OLFML2B: variants seen among roughly 807,000 people sequenced by gnomAD.
OLFML2B encodes olfactomedin-like protein 2B.
OLFML2B carries 57 observed loss-of-function variants against 74.9 expected under a neutral mutation model. The observed-to-expected ratio is 0.76, with a 90% CI of 0.61 to 0.95. The LOEUF is 0.95. Ranked by LOEUF, OLFML2B falls within the 40% of genes least tolerant of loss-of-function variation. The pLI, the probability that OLFML2B is intolerant of heterozygous loss-of-function variation, is 0.00. For missense variants in OLFML2B, 986 were observed against 970.6 expected (o/e 1.02, Z -0.21); for synonymous variants, 388 against 405.8 (o/e 0.96, Z 0.53).
At chr1:161,985,330 T>A (rs1324549684) in intron 6 of OLFML2B, 1 of 181,866 alleles carries the variant, frequency 5.5e-6, no homozygotes, top group African/African-American at 2.3e-5. Flanking sequence ...TCCATTCAGC[T>A]CTCAGGGTAC....
intron 2 of OLFML2B, 94 bp from the exon 3 acceptor site, chr1:162,017,601 A>G (rs925380902): frequency 4.6e-5 from 38 of 829,512 alleles, no homozygotes; most frequent in Non-Finnish European, 6.2e-5. Context: ...GCTCGACAGG[A>G]AAGCCACTAG....
intron 3 of OLFML2B, among the ~76,000 whole-genome samples, chr1:162,014,979 C>T (rs1438844476): frequency 6.6e-6 from 1 of 152,122 alleles, no homozygotes; most frequent in Non-Finnish European, 1.5e-5. Flanking sequence ...TAGAAAGAGC[C>T]CTGGACCAGG....
Position 161,998,332 on chromosome 1 carries a change from C to A in OLFML2B, c.967G>T (p.Gly323Cys). 1 of 1,554,058 alleles carries A rather than the reference C, an allele frequency of 6.4e-7. No individual in the cohort carries two copies. The highest frequency in any genetic ancestry group is 8.7e-7 in the Non-Finnish European group (1 of 1,145,626). ...IEEQQDEFFS[G>C]DNGVDLLIED... Reference sequence around the variant, plus strand: ...ATCAGCAAATCCACTCCATTGTCACCGCTGAAAAACTCATCTTCTGTGAAA... The same window carrying A: ...ATCAGCAAATCCACTCCATTGTCACAGCTGAAAAACTCATCTTCTGTGAAA... The change falls in exon 6 of 8, where the codon GGT (glycine) becomes TGT (cysteine). Residue 323 changes from glycine to cysteine, a missense_variant. Transcript: ENST00000294794.
At chr1:161,996,143 C>T (rs974109688) in intron 6 of OLFML2B, among the ~76,000 whole-genome samples, 7 of 152,214 alleles carry the variant, frequency 4.6e-5, no homozygotes, top group African/African-American at 1.7e-4. Context: ...GGGTCCATTT[C>T]TATGGGCTAT....
intron 6 of OLFML2B, among the ~76,000 whole-genome samples, chr1:161,988,552 G>A (rs939142904): frequency 2.9e-5 from 2 of 68,220 alleles, no homozygotes; most frequent in South Asian, 5.0e-4. Flanking sequence ...CCCCACCCCC[G>A]CTGACACCCA....
Position 161,983,750 on chromosome 1 carries a change from G to C in OLFML2B, c.2178C>G (p.Tyr726Ter), listed in dbSNP as rs1355878651. 6.2e-7 allele frequency: 1 copy of C among 1,614,050 alleles called. No individual in the cohort carries two copies. ...CATAGAGCAGGCGGTCCTTGGGGTT[G>C]TAGTCTATCTGGGTCGTATAGGAAT... ...NEYSYTTQID[Y>*]NPKDRLLYAW... Residue 726 changes from tyrosine (Y) to a stop codon, truncating the protein, a stop_gained, in exon 8 of 8, where the codon TAC (tyrosine) becomes TAG (stop). Coordinates refer to ENST00000294794, the MANE Select transcript of OLFML2B (RefSeq NM_015441.3). LOFTEE classifies it high-confidence loss of function.
At position 161,983,862 on chromosome 1, in the gene OLFML2B, T is replaced by A. The variant is rs1413938797; in HGVS notation, c.2066A>T (p.Tyr689Phe). 2.5e-6 allele frequency: 4 copies of A among 1,614,068 alleles called. No homozygotes were observed. The Admixed American group carries it at 5.0e-5, about 20-fold the overall frequency. Residue 689 changes from tyrosine to phenylalanine, a missense_variant, in exon 8 of 8, where the codon TAC (tyrosine) becomes TTC (phenylalanine). Coordinates refer to ENST00000294794, the MANE Select transcript of OLFML2B (RefSeq NM_015441.3). ...ICGVLYAVDS[Y>F]NQRNANISYA... ...GGAGATGTTGGCATTCCGCTGGTTG[T>A]AGCTATCCACGGCATACAGCACCCC...
At chr1:161,998,457 C>T (rs185484167) in intron 5 of OLFML2B, 108 bp from the exon 6 acceptor site, 4 of 1,261,414 alleles carry the variant, frequency 3.2e-6, no homozygotes, top group East Asian at 4.7e-5. Flanking sequence ...TTCCTTAACA[C>T]GACGGCTTGA....
At chr1:162,009,208 G>A (rs1276393682) in intron 3 of OLFML2B, among the ~76,000 whole-genome samples, 1 of 152,202 alleles carries the variant, frequency 6.6e-6, no homozygotes, top group Non-Finnish European at 1.5e-5. Flanking sequence ...CTCTGCCAGG[G>A]TGATGTGACA....
intron 2 of OLFML2B, 31 bp from the exon 3 acceptor site, chr1:162,017,538 G>A (rs1450790372): frequency 5.9e-6 from 9 of 1,528,126 alleles, no homozygotes; most frequent in Non-Finnish European, 5.4e-6. Flanking sequence ...TTAGTCCAGG[G>A]CTGGGGCACA....
At chr1:162,022,941 T>C (rs2101984459) in intron 1 of OLFML2B, among the ~76,000 whole-genome samples, 1 of 152,302 alleles carries the variant, frequency 6.6e-6, no homozygotes, top group East Asian at 1.9e-4. Context: ...GACAGCCACA[T>C]AGACAAGAGA....
chr1:162,009,906 C>T (rs913899332), intron 3 of OLFML2B, among the ~76,000 whole-genome samples: 46 of 152,340 alleles, frequency 3.0e-4, no homozygotes, highest in Non-Finnish European at 3.1e-4. Context: ...ACAGGGTACC[C>T]TCGATTCTGC....
intron 6 of OLFML2B, 158 bp from the exon 7 acceptor site, chr1:161,985,138 A>G (rs754365723): frequency 5.0e-6 from 3 of 594,170 alleles, no homozygotes; most frequent in Non-Finnish European, 8.2e-6. Flanking sequence ...ATCTCCTGCT[A>G]CTCCCCTGAT....
At chr1:162,010,511 G>C (rs996879070) in intron 3 of OLFML2B, among the ~76,000 whole-genome samples, 1 of 152,196 alleles carries the variant, frequency 6.6e-6, no homozygotes, top group Non-Finnish European at 1.5e-5. Flanking sequence ...CTGGTGTTTT[G>C]ACAAGCCATG....
Position 161,998,044 on chromosome 1 carries a change from T to C in OLFML2B, c.1255A>G (p.Thr419Ala), listed in dbSNP as rs1160382232. ...VLQPSPQVPA[T>A]TVAHTATQQP... ...TGGGTGGCTGTGTGGGCCACAGTGG[T>C]GGCTGGTACCTGAGGAGAAGGCTGC... Residue 419 changes from threonine (T) to alanine (A), a missense_variant, in exon 6 of 8, where the codon ACC becomes GCC. Physicochemically the swap from Thr to Ala is moderately conservative, Grantham distance 58. Transcript: ENST00000294794. 2 of 1,613,942 alleles carry C rather than the reference T, an allele frequency of 1.2e-6. No individual in the cohort carries two copies. Among genetic ancestry groups the C allele is most frequent in the Non-Finnish European group, 1.7e-6 (2 of 1,179,992 alleles).
intron 6 of OLFML2B, among the ~76,000 whole-genome samples, chr1:161,992,623 G>A (rs1689772846): frequency 6.6e-6 from 1 of 152,178 alleles, no homozygotes; most frequent in Non-Finnish European, 1.5e-5. Context: ...CCATTGTAGG[G>A]TTATTAATTG....
chr1:161,997,577 C>T (rs971172644), intron 6 of OLFML2B, among the ~76,000 whole-genome samples: 3 of 152,170 alleles, frequency 2.0e-5, no homozygotes, highest in Admixed American at 6.5e-5. Context: ...ACTCCTGAAG[C>T]CAAATCTTGA....
intron 3 of OLFML2B, among the ~76,000 whole-genome samples, chr1:162,015,168 A>G (rs901243322): frequency 6.6e-6 from 1 of 152,218 alleles, no homozygotes; most frequent in Admixed American, 6.5e-5. Context: ...GCTACTAAAC[A>G]TATCACAGCT....
chr1:162,021,003 T>C (rs1047457622), intron 1 of OLFML2B, among the ~76,000 whole-genome samples: 1 of 152,130 alleles, frequency 6.6e-6, no homozygotes, highest in Non-Finnish European at 1.5e-5. Flanking sequence ...TCAAGAAGCC[T>C]ACAGTGCAGG....
Sources: gnomAD v4.1 joint callset for allele counts (sites outside exome capture counted in the v4.1 genomes callset) on GRCh38, gnomAD v4.1.1 for gene constraint, MANE v1.5 for transcripts, NCBI Gene and HGNC (gene_info 2026-07-23, HGNC 2026-07-21) for gene names.